ACYP2: variants seen among roughly 807,000 people sequenced by gnomAD.
The protein encoded by ACYP2 is acylphosphatase-2.
Under a neutral mutation model 11.2 loss-of-function variants are expected in ACYP2, and 12 were observed. The ratio of observed to expected loss-of-function variants is 1.08; its 90% CI spans 0.69 to 1.74. ACYP2 has a LOEUF of 1.74. ACYP2 is among the 40% of genes most tolerant of loss of function. The pLI is 0.00. For synonymous variants in ACYP2, 43 were observed against 32.2 expected (o/e 1.33, Z -1.13); for missense variants, 134 against 101.9 (o/e 1.31, Z -1.35).
intron 2 of ACYP2, among the ~76,000 whole-genome samples, chr2:54,016,697 T>C (rs988457088): frequency 1.3e-5 from 2 of 151,202 alleles, no homozygotes; most frequent in African/African-American, 4.9e-5. Flanking sequence ...GGCTGAGAAG[T>C]CAAGGTCAAG....
At chr2:53,989,240 A>G (rs1447279242) in intron 2 of ACYP2, among the ~76,000 whole-genome samples, 1 of 144,092 alleles carries the variant, frequency 6.9e-6, no homozygotes, top group Non-Finnish European at 1.5e-5. Context: ...AAGAAGACAT[A>G]TCTTTCAATA....
In ACYP2 at chr2:54,216,537, T is replaced by G. The variant is rs886463186; in HGVS notation, c.404+77789T>G. 1.8e-3 allele frequency among the ~76,000 whole-genome samples: 263 copies of G among 147,426 alleles called. 1 individual carries two copies. The highest frequency in any genetic ancestry group is 0.01 in the Middle Eastern group (3 of 288). ...CTTTTTTTTTTAACTCCTAATCACG[T>G]TTACATTTTTTTTTTTTTGAGACAG... is the stretch of plus-strand genomic sequence containing the variant. On this transcript the variant is annotated intron_variant, in intron 6 of 6. Transcript: ENST00000607452.
intron 2 of ACYP2, among the ~76,000 whole-genome samples, chr2:53,979,788 A>T (rs1175756599): frequency 6.6e-6 from 1 of 151,466 alleles, no homozygotes; most frequent in Admixed American, 6.6e-5. Flanking sequence ...TGCTACCTCC[A>T]CCTCAAGGGA....
intron 4 of ACYP2, among the ~76,000 whole-genome samples, chr2:54,063,071 T>C (rs1676554847): frequency 6.6e-6 from 1 of 152,118 alleles, no homozygotes; most frequent in African/African-American, 2.4e-5. Context: ...TAAGCACAGA[T>C]AGACTCAATC....
intron 3 of ACYP2, among the ~76,000 whole-genome samples, chr2:54,053,599 G>A (rs1675975932): frequency 6.6e-6 from 1 of 152,184 alleles, no homozygotes; most frequent in Non-Finnish European, 1.5e-5. Context: ...GCCCCAAAGG[G>A]TTACTTCTTT....
intron 2 of ACYP2, among the ~76,000 whole-genome samples, chr2:54,040,981 G>C (rs1046462189): frequency 2.6e-5 from 4 of 152,330 alleles, no homozygotes; most frequent in South Asian, 4.1e-4. Flanking sequence ...AGCTGATGCA[G>C]GTGATTGAGA....
chr2:54,130,784 G>A (rs1046751906), intron 4 of ACYP2, among the ~76,000 whole-genome samples: 1 of 152,134 alleles, frequency 6.6e-6, no homozygotes, highest in Non-Finnish European at 1.5e-5. Flanking sequence ...ATCCAGATAT[G>A]CCCTGATCTC....
chr2:54,023,316 A>G (rs145671834), intron 2 of ACYP2, among the ~76,000 whole-genome samples: 1 of 152,238 alleles, frequency 6.6e-6, no homozygotes, highest in Non-Finnish European at 1.5e-5. Flanking sequence ...ACTTTATAAG[A>G]AATGTCACAC....
intron 6 of ACYP2, among the ~76,000 whole-genome samples, chr2:54,204,989 C>T (rs982519570): frequency 1.3e-5 from 2 of 152,132 alleles, no homozygotes; most frequent in African/African-American, 4.8e-5. Context: ...GGCACCTTCT[C>T]CTTGAGTTTT....
chr2:54,217,157 A>G (rs1572948568), intron 6 of ACYP2, among the ~76,000 whole-genome samples: 1 of 152,158 alleles, frequency 6.6e-6, no homozygotes, highest in Admixed American at 6.5e-5. Context: ...AACTGTGGTG[A>G]TATCAGGGCT....
chr2:54,196,224 C>T (rs1684474412), intron 6 of ACYP2, among the ~76,000 whole-genome samples: 1 of 152,032 alleles, frequency 6.6e-6, no homozygotes, highest in African/African-American at 2.4e-5. Context: ...TCAGACAGGG[C>T]CTCACTCTGT....
chr2:54,108,720 T>C (rs1327186182), intron 4 of ACYP2, among the ~76,000 whole-genome samples: 1 of 152,178 alleles, frequency 6.6e-6, no homozygotes, highest in East Asian at 1.9e-4. Flanking sequence ...AATCTGACTT[T>C]GCCATTTTTT....
At chr2:54,039,209 C>A (rs1159417476) in intron 2 of ACYP2, among the ~76,000 whole-genome samples, 11 of 135,170 alleles carry the variant, frequency 8.1e-5, no homozygotes, top group African/African-American at 2.7e-4. Context: ...CTAAAAATAT[C>A]TTTGGAAGTT....
intron 6 of ACYP2, among the ~76,000 whole-genome samples, chr2:54,250,828 G>A (rs983330155): frequency 1.3e-5 from 2 of 152,174 alleles, no homozygotes; most frequent in African/African-American, 4.8e-5. Flanking sequence ...AGAAGTTTTT[G>A]TTGGTACTAA....
chr2:53,986,629 C>CT lies in ACYP2; in HGVS notation c.62+12833dup, dbSNP rs778989738. 1.4e-3 allele frequency among the ~76,000 whole-genome samples: 188 copies of CT among 136,436 alleles called. 1 individual carries two copies. Among genetic ancestry groups the CT allele is most frequent in the East Asian group, 5.5e-3 (26 of 4,716 alleles). The allele number at this position is 136,436 out of a possible 152,430, so 89.5% of individuals were successfully genotyped here. ...ACAGGCGTGAGCCACCAAACCCGGCCTTTTTTTTTTTTTTAGATGAAGTTT... is the reference window on the plus strand; with the variant it reads ...ACAGGCGTGAGCCACCAAACCCGGCCTTTTTTTTTTTTTTTAGATGAAGTTT... On this transcript the variant is annotated intron_variant, in intron 2 of 6. Transcript: ENST00000607452.
intron 6 of ACYP2, among the ~76,000 whole-genome samples, chr2:54,295,981 G>A (rs1689505246): frequency 1.3e-5 from 2 of 151,956 alleles, no homozygotes; most frequent in Admixed American, 6.6e-5. Flanking sequence ...GGATGGTCTC[G>A]CATTCCTGGC....
chr2:54,069,499 A>G (rs556328437), intron 4 of ACYP2, among the ~76,000 whole-genome samples: 49 of 152,150 alleles, frequency 3.2e-4, no homozygotes, highest in Admixed American at 7.2e-4. Flanking sequence ...TGTCTCTACT[A>G]AAAATACAAA....
rs539878601 is a variant in ACYP2, at chr2:54,020,171, A to C, written c.63-30787A>C. Among the ~76,000 whole-genome samples, 7 of 152,276 alleles carry C rather than the reference A, an allele frequency of 4.6e-5. No homozygotes were observed. The East Asian group carries it at 7.7e-4, about 17-fold the overall frequency. The stretch of plus-strand genomic sequence containing the variant: ...AGGCTGGTCTCGAATTCCTGATCTC[A>C]GGTGATTCACCAGTCTCAGCCTCCC... On this transcript the variant is annotated intron_variant, in intron 2 of 6. Transcript: ENST00000607452.
At chr2:54,275,989 C>A (rs1688545233) in intron 6 of ACYP2, among the ~76,000 whole-genome samples, 1 of 152,012 alleles carries the variant, frequency 6.6e-6, no homozygotes, top group Admixed American at 6.5e-5. Context: ...ATATCTTTTT[C>A]TGAAAAAAAG....
Sources: allele counts gnomAD v4.1 joint callset (sites outside exome capture counted in the v4.1 genomes callset), GRCh38; gene constraint gnomAD v4.1.1; transcripts MANE v1.5; gene names NCBI Gene and HGNC (gene_info 2026-07-23, HGNC 2026-07-21).